Variants in TAF1B observed in about 807,000 individuals in gnomAD.
TAF1B encodes TATA-box binding protein associated factor, RNA polymerase I subunit B.
In TAF1B, 61 loss-of-function variants were observed where a neutral mutation model predicts 83.9. That is an observed-to-expected ratio of 0.73 (90% CI 0.59 to 0.90). The LOEUF (loss-of-function observed/expected upper bound fraction) is 0.90. Ranked by LOEUF, TAF1B falls within the 40% of genes least tolerant of loss-of-function variation. TAF1B has a pLI of 0.00. For missense variants in TAF1B, 625 were observed against 677.0 expected, an observed-to-expected ratio of 0.92 and a Z score of 0.85; for synonymous variants, 221 against 224.6, an observed-to-expected ratio of 0.98 and a Z score of 0.14.
chr2:9,843,756 G>C (rs1005537265), intron 1 of TAF1B, 197 bp downstream of exon 1: 1 of 549,222 alleles, frequency 1.8e-6, no homozygotes, highest in Non-Finnish European at 3.1e-6. Context: ...AAAGAGGCTG[G>C]AGTTTCTGGC....
At chr2:9,877,701 A>G (rs779531658) in intron 7 of TAF1B, among the ~76,000 whole-genome samples, 15 of 152,182 alleles carry the variant, frequency 9.9e-5, no homozygotes, top group Non-Finnish European at 2.1e-4. Flanking sequence ...ACGATCTATA[A>G]GGGGCTAACA....
At chr2:9,856,154 C>T (rs1663559177) in intron 5 of TAF1B, among the ~76,000 whole-genome samples, 1 of 152,000 alleles carries the variant, frequency 6.6e-6, no homozygotes, top group South Asian at 2.1e-4. Flanking sequence ...CAGAGATGAG[C>T]AAAAGAGATA....
chr2:9,870,154 T>G (rs919827410), intron 6 of TAF1B, among the ~76,000 whole-genome samples: 1 of 152,130 alleles, frequency 6.6e-6, no homozygotes, highest in African/African-American at 2.4e-5. Flanking sequence ...TCTATAAGTC[T>G]TGTTATAAAA....
chr2:9,881,201 G>C (rs1232186508), intron 7 of TAF1B, among the ~76,000 whole-genome samples: 3 of 152,102 alleles, frequency 2.0e-5, no homozygotes, highest in Non-Finnish European at 4.4e-5. Context: ...AGGCATGGTG[G>C]TGGGTGCCTG....
intron 7 of TAF1B, among the ~76,000 whole-genome samples, chr2:9,880,954 C>T (rs931845831): frequency 6.6e-6 from 1 of 152,094 alleles, no homozygotes; most frequent in African/African-American, 2.4e-5. Flanking sequence ...CTAATAAAAA[C>T]TTAGCTGGGG....
At chr2:9,850,629 A>G (rs771108633) in intron 3 of TAF1B, among the ~76,000 whole-genome samples, 3 of 152,160 alleles carry the variant, frequency 2.0e-5, no homozygotes, top group Non-Finnish European at 4.4e-5. Flanking sequence ...CAGAGAAGAG[A>G]TCTTGAAGTC....
At chr2:9,898,281 G>GTGGGC (rs1201997511) in intron 8 of TAF1B, among the ~76,000 whole-genome samples, 1 of 152,170 alleles carries the variant, frequency 6.6e-6, no homozygotes, top group Non-Finnish European at 1.5e-5. Flanking sequence ...TAAGTATAGT[G>GTGGGC]TGGGCTCTAA....
intron 8 of TAF1B, among the ~76,000 whole-genome samples, chr2:9,895,536 G>C (rs1664991963): frequency 6.6e-6 from 1 of 152,104 alleles, no homozygotes; most frequent in South Asian, 2.1e-4. Context: ...CTACTACATG[G>C]TAGGTTTACT....
intron 14 of TAF1B, among the ~76,000 whole-genome samples, chr2:9,929,771 CTTG>C (rs1031254744): frequency 1.3e-5 from 2 of 152,220 alleles, no homozygotes; most frequent in East Asian, 3.9e-4. Flanking sequence ...GTACCAGCTC[CTTG>C]TTGTACCTCT....
intron 3 of TAF1B, among the ~76,000 whole-genome samples, chr2:9,850,354 A>T (rs1663348435): frequency 6.6e-6 from 1 of 152,198 alleles, no homozygotes; most frequent in Admixed American, 6.5e-5. Context: ...TGAGAATAAA[A>T]TGCCATCCAT....
chr2:9,919,301 C>T (rs371951194), intron 13 of TAF1B, among the ~76,000 whole-genome samples, 190 bp downstream of exon 13: 26 of 152,288 alleles, frequency 1.7e-4, no homozygotes, highest in Non-Finnish European at 3.1e-4. Flanking sequence ...AGGAATATGT[C>T]GTTCTTCAAA....
chr2:9,904,795 CA>C, intron 8 of TAF1B, 63 bp from the exon 9 acceptor site: 1 of 1,481,926 alleles, frequency 6.7e-7, no homozygotes, highest in Admixed American at 2.0e-5. Context: ...TAAATCAGAA[CA>C]TATTTTTAAA....
At chr2:9,849,856 A>G (rs1342162757) in intron 3 of TAF1B, among the ~76,000 whole-genome samples, 4 of 152,170 alleles carry the variant, frequency 2.6e-5, no homozygotes, top group African/African-American at 9.7e-5. Context: ...AGTACATATA[A>G]TTAACCATTG....
intron 14 of TAF1B, among the ~76,000 whole-genome samples, chr2:9,927,641 A>G (rs1263307682): frequency 6.6e-6 from 1 of 152,074 alleles, no homozygotes; most frequent in Non-Finnish European, 1.5e-5. Flanking sequence ...GCATTTTTTC[A>G]TGTGTCTGTT....
intron 7 of TAF1B, 66 bp from the exon 8 acceptor site, chr2:9,882,640 T>TA: frequency 9.7e-7 from 1 of 1,026,720 alleles, no homozygotes; most frequent in African/African-American, 1.6e-5. Flanking sequence ...AGATTTTTCT[T>TA]AAAGCATTTA....
intron 5 of TAF1B, among the ~76,000 whole-genome samples, chr2:9,862,709 C>A (rs1490001327): frequency 1.3e-5 from 2 of 152,126 alleles, no homozygotes; most frequent in African/African-American, 4.8e-5. Context: ...GTCGGGTTAC[C>A]CACAAAGGGA....
chr2:9,851,079 G>A (rs1663374407), intron 3 of TAF1B, among the ~76,000 whole-genome samples: 1 of 152,188 alleles, frequency 6.6e-6, no homozygotes, highest in African/African-American at 2.4e-5. Flanking sequence ...TTGTGAGTTG[G>A]AACAGAAAAG....
chr2:9,890,004 G>T (rs774369356), intron 8 of TAF1B, among the ~76,000 whole-genome samples: 3 of 149,814 alleles, frequency 2.0e-5, no homozygotes, highest in Admixed American at 6.7e-5. Flanking sequence ...CACATGAGAG[G>T]GCCCCTTTGC....
chr2:9,856,510 G>C (rs570903523), intron 5 of TAF1B, among the ~76,000 whole-genome samples: 4 of 152,072 alleles, frequency 2.6e-5, no homozygotes, highest in Non-Finnish European at 5.9e-5. Context: ...ATGCTATATG[G>C]TTCTAAGGTA....
Sources: gnomAD v4.1 joint callset for allele counts (sites outside exome capture counted in the v4.1 genomes callset) on GRCh38, gnomAD v4.1.1 for gene constraint, MANE v1.5 for transcripts, NCBI Gene and HGNC (gene_info 2026-07-23, HGNC 2026-07-21) for gene names.